SLC26A9: variants seen among roughly 807,000 people sequenced by gnomAD.
SLC26A9 encodes the protein solute carrier family 26 member 9, also known as anion transporter/exchanger protein 9.
A neutral mutation model predicts 87.1 loss-of-function variants in SLC26A9; 46 were observed. That is an observed-to-expected ratio of 0.53 (90% CI 0.42 to 0.67). The LOEUF is 0.67. Among genes scored for constraint, SLC26A9 ranks in the 30% least tolerant of loss-of-function variants. The pLI, the probability that SLC26A9 is intolerant of heterozygous loss-of-function variation, is 0.00. For synonymous variants in SLC26A9, 437 were observed against 409.1 expected (o/e 1.07, Z -0.82); for missense variants, 927 against 1,018.3 (o/e 0.91, Z 1.22).
At chr1:205,916,507 T>C (rs916511644) in intron 20 of SLC26A9, among the ~76,000 whole-genome samples, 2 of 152,230 alleles carry the variant, frequency 1.3e-5, no homozygotes, top group Non-Finnish European at 2.9e-5. Flanking sequence ...GAGGCCTTTG[T>C]TTTGCTCACT....
intron 16 of SLC26A9, among the ~76,000 whole-genome samples, 199 bp from the exon 17 acceptor site, chr1:205,922,046 C>G (rs1005814737): frequency 3.9e-5 from 6 of 152,214 alleles, no homozygotes; most frequent in African/African-American, 1.4e-4. Flanking sequence ...ACTTGGTCTC[C>G]TACAACCCAG....
intron 19 of SLC26A9, among the ~76,000 whole-genome samples, chr1:205,918,247 C>T (rs974263448): frequency 3.3e-5 from 5 of 151,996 alleles, no homozygotes; most frequent in African/African-American, 1.2e-4. Context: ...GGGCAGGGAC[C>T]CCAAGGAGGT....
rs373213046 is a variant in SLC26A9 at position 205,932,083 on chromosome 1, C to T, written c.377-48G>A. The T allele has an allele frequency of 8.5e-4, 1,358 of 1,600,578 alleles. 4 individuals carry two copies. The highest frequency in any genetic ancestry group is 1.1e-3 in the Non-Finnish European group (1,263 of 1,172,948). On this transcript the variant is annotated intron_variant, in intron 4 of 20. Transcript: ENST00000367135. Reference sequence around the variant, plus strand: ...CAAAAATCAGAGGTTTGAACCACACCGATGGAAACCAGAAAGGGGCCCAGG... The same window carrying T: ...CAAAAATCAGAGGTTTGAACCACACTGATGGAAACCAGAAAGGGGCCCAGG...
chr1:205,914,196 C>G lies in SLC26A9; in HGVS notation c.*1161G>C, dbSNP rs900735999. On this transcript the variant is annotated 3_prime_UTR_variant, in exon 21 of 21. Transcript: ENST00000367135. ...AGGAAGACCCAATCTGGATCAGCCC[C>G]TTTCCACATCTGCATGCAGTTAGGG... is the stretch of plus-strand genomic sequence containing the variant. The G allele has an allele frequency of 6.6e-6, 1 of 152,278 alleles. No homozygotes were observed. Among genetic ancestry groups the G allele is most frequent in the Non-Finnish European group, 1.5e-5 (1 of 68,120 alleles). 9.4% of individuals were successfully genotyped at this position (152,278 alleles called of 1,614,324 possible). A position where few individuals can be genotyped will look rare whatever the true frequency, so the allele number is the denominator to read the frequency against.
chr1:205,941,937 C>T (rs1429488459), intron 1 of SLC26A9, among the ~76,000 whole-genome samples: 5 of 152,132 alleles, frequency 3.3e-5, no homozygotes, highest in Admixed American at 6.5e-5. Flanking sequence ...GAAATCCAGG[C>T]GAAAGCCCAG....
In SLC26A9 at chr1:205,914,652, C is replaced by G. The variant is rs76988577; in HGVS notation, c.*705G>C. On this transcript the variant is annotated 3_prime_UTR_variant, in exon 21 of 21. Transcript: ENST00000367135. ...CTGAGGCAGAACCTTAGTGGGCTGT[C>G]CCCGGGGAGGTAGCTCTGGTGGTCT... 0.014 allele frequency: 7,115 copies of G among 492,796 alleles called. 417 individuals carry two copies. Among genetic ancestry groups the G allele is most frequent in the African/African-American group, 0.12 (6,411 of 52,190 alleles). 30.5% of individuals were successfully genotyped at this position (492,796 alleles called of 1,614,324 possible).
Position 205,928,342 on chromosome 1 carries a change from C to T in SLC26A9, c.954-293G>A, listed in dbSNP as rs566359022. 2.8e-4 allele frequency: 129 copies of T among 457,886 alleles called. 1 individual carries two copies. The highest frequency in any genetic ancestry group is 2.2e-3 in the African/African-American group (114 of 51,478). 28.4% of individuals were successfully genotyped at this position (457,886 alleles called of 1,614,324 possible). Reference sequence around the variant, plus strand: ...CCAGATTCTGAACCCTGTATGCTCACGAGTCCACAGACCCCTAGACCTTTG... The same window carrying T: ...CCAGATTCTGAACCCTGTATGCTCATGAGTCCACAGACCCCTAGACCTTTG... On this transcript the variant is annotated intron_variant, in intron 8 of 20. Coordinates refer to ENST00000367135, the MANE Select transcript of SLC26A9 (RefSeq NM_052934.4).
At chr1:205,928,211 T>C (rs910171881) in intron 8 of SLC26A9, 162 bp from the exon 9 acceptor site, 1 of 811,604 alleles carries the variant, frequency 1.2e-6, no homozygotes, top group South Asian at 1.9e-5. Context: ...CCCCATAGGG[T>C]AGGGACCATC....
chr1:205,921,572 C>T lies in SLC26A9; in HGVS notation c.2049G>A (p.Leu683=), dbSNP rs773976610. Residue 683 remains leucine, a synonymous_variant, in exon 17 of 21, where the codon CTG becomes CTA. Coordinates refer to ENST00000367135, the MANE Select transcript of SLC26A9 (RefSeq NM_052934.4). Reference sequence around the variant, plus strand: ...CTGTTCCCGAGGGCCTCACCTTGGCCAGGGCCTTGATGCCCATCAAGTCCA... The same window carrying T: ...CTGTTCCCGAGGGCCTCACCTTGGCTAGGGCCTTGATGCCCATCAAGTCCA... ...SFVDLMGIKA[L]AKLSSTYGKI... 3.1e-6 allele frequency: 5 copies of T among 1,608,088 alleles called. No homozygotes were observed. Among genetic ancestry groups the T allele is most frequent in the Non-Finnish European group, 4.2e-6 (5 of 1,179,090 alleles).
chr1:205,927,855 T>C (rs780085738), intron 9 of SLC26A9, 47 bp downstream of exon 9: 8 of 1,593,202 alleles, frequency 5.0e-6, no homozygotes, highest in Non-Finnish European at 6.9e-6. Flanking sequence ...ATGCCAGGCC[T>C]GAGTTGACCT....
chr1:205,937,257 G>T (rs16856520), intron 1 of SLC26A9, among the ~76,000 whole-genome samples: 1,537 of 152,272 alleles, frequency 0.01, 13 homozygotes, highest in Middle Eastern at 0.031. Context: ...AGAAGCGAAG[G>T]TGGGAGAATG....
Position 205,935,543 on chromosome 1 carries a change from T to G in SLC26A9, c.125+153A>C, listed in dbSNP as rs1659475714. ...CTGGGGGTCTCAGTACAGATGAGGT[T>G]GTAGGATCTTAAATTCATCATTCAG... On this transcript the variant is annotated intron_variant, in intron 2 of 20. Transcript: ENST00000367135. 3.3e-5 allele frequency: 40 copies of G among 1,224,512 alleles called. 1 individual carries two copies. In the South Asian group the frequency reaches 6.0e-4, roughly 18 times the overall value. 75.9% of individuals were successfully genotyped at this position (1,224,512 alleles called of 1,614,324 possible).
intron 1 of SLC26A9, among the ~76,000 whole-genome samples, chr1:205,936,661 G>A (rs1659522917): frequency 6.6e-6 from 1 of 152,136 alleles, no homozygotes; most frequent in Admixed American, 6.5e-5. Context: ...TCCCAGAGCT[G>A]GGAGAAGTTG....
intron 1 of SLC26A9, among the ~76,000 whole-genome samples, chr1:205,940,891 C>G (rs1659716343): frequency 2.0e-5 from 3 of 152,192 alleles, no homozygotes; most frequent in Non-Finnish European, 4.4e-5. Context: ...CCCACCCTGG[C>G]ATCCTTATCA....
intron 2 of SLC26A9, chr1:205,935,142 A>G (rs1000677569): frequency 6.6e-6 from 1 of 152,260 alleles, no homozygotes; most frequent in African/African-American, 2.4e-5. Flanking sequence ...CCACCATCGC[A>G]TTTCCAGGGA....
intron 1 of SLC26A9, among the ~76,000 whole-genome samples, chr1:205,940,102 G>T (rs1315535751): frequency 6.6e-6 from 1 of 152,186 alleles, no homozygotes; most frequent in African/African-American, 2.4e-5. Context: ...GGGAGTAGGG[G>T]GTGAGCCAGG....
At chr1:205,927,418 T>G (rs1659118494) in intron 10 of SLC26A9, 74 bp downstream of exon 10, 1 of 1,548,976 alleles carries the variant, frequency 6.5e-7, no homozygotes, top group Admixed American at 1.7e-5. Flanking sequence ...CTGGCCTGGC[T>G]TGCAGTGCCC....
intron 11 of SLC26A9, 47 bp downstream of exon 11, chr1:205,927,164 C>T (rs755316498): frequency 6.9e-6 from 11 of 1,597,272 alleles, no homozygotes; most frequent in Non-Finnish European, 9.4e-6. Context: ...AGGGATTGTT[C>T]TTATTGGAGT....
intron 2 of SLC26A9, among the ~76,000 whole-genome samples, chr1:205,933,836 G>T (rs1328441850): frequency 6.6e-6 from 1 of 152,170 alleles, no homozygotes; most frequent in African/African-American, 2.4e-5. Flanking sequence ...AACGCAGGGT[G>T]GGGAGAGTTG....
Sources: gnomAD v4.1 joint callset for allele counts (sites outside exome capture counted in the v4.1 genomes callset) on GRCh38, gnomAD v4.1.1 for gene constraint, MANE v1.5 for transcripts, NCBI Gene and HGNC (gene_info 2026-07-23, HGNC 2026-07-21) for gene names.